The following PCDHGB3 variants were observed in gnomAD, a reference collection of about 807,000 sequenced individuals.
PCDHGB3 encodes protocadherin gamma-B3.
Under a neutral mutation model 59.2 loss-of-function variants are expected in PCDHGB3, and 40 were observed. The ratio of observed to expected loss-of-function variants is 0.68; its 90% CI spans 0.52 to 0.88. The LOEUF is 0.88. Ranked by LOEUF, PCDHGB3 falls within the 40% of genes least tolerant of loss-of-function variation. PCDHGB3 has a pLI of 0.00. For missense variants in PCDHGB3, 1,309 were observed against 1,187.9 expected, an observed-to-expected ratio of 1.10 and a Z score of -1.50; for synonymous variants, 581 against 503.6, an observed-to-expected ratio of 1.15 and a Z score of -2.06.
chr5:141,487,392 G>A lies in PCDHGB3; in HGVS notation c.2416-7415G>A, dbSNP rs773126086. 2 of 1,614,176 alleles carry A rather than the reference G, an allele frequency of 1.2e-6. No individual in the cohort carries two copies. Among genetic ancestry groups the A allele is most frequent in the Non-Finnish European group, 1.7e-6 (2 of 1,180,024 alleles). On this transcript the variant is annotated intron_variant, in intron 1 of 3. Transcript: ENST00000576222. This position sits in a 1 kb window ranked among gnomAD's most constrained non-coding sequence, Gnocchi z 5.0. ...GCCTGTCTCACCAGATCTCGAAGGA[G>A]GGAGGGGCTTCCCCCTTCCAATGGG...
chr5:141,408,871 T>C, intron 1 of PCDHGB3: 2 of 1,612,784 alleles, frequency 1.2e-6, no homozygotes, highest in Non-Finnish European at 1.7e-6. Flanking sequence ...CACCAAGAAG[T>C]GCCACCGCTC....
chr5:141,393,080 G>A (rs747012880), intron 1 of PCDHGB3: 1 of 1,613,694 alleles, frequency 6.2e-7, no homozygotes, highest in Non-Finnish European at 8.5e-7. Flanking sequence ...CCGCGGGCAG[G>A]ATAGATCGGG....
rs757468959 is a variant in PCDHGB3, at chr5:141,395,139, G to A, written c.2415+22330G>A. On this transcript the variant is annotated intron_variant, in intron 1 of 3. Coordinates refer to ENST00000576222, the MANE Select transcript of PCDHGB3 (RefSeq NM_018924.5). ...CCTGATCTTTCCCCAGCCCAACTAC[G>A]CAGACATGCTCATCAGTCAGGAGGG... 10 of 1,614,026 alleles carry A rather than the reference G, an allele frequency of 6.2e-6. No homozygotes were observed. In the East Asian group the frequency reaches 1.3e-4, roughly 22 times the overall value.
At chr5:141,382,093 T>C (rs1420552886) in intron 1 of PCDHGB3, among the ~76,000 whole-genome samples, 1 of 152,090 alleles carries the variant, frequency 6.6e-6, no homozygotes, top group Non-Finnish European at 1.5e-5. Context: ...CCTCACAAAG[T>C]GTGGGATTAC....
chr5:141,394,004 A>C (rs1220367944), intron 1 of PCDHGB3: 3 of 1,613,496 alleles, frequency 1.9e-6, no homozygotes. Flanking sequence ...TAGAAAAGTC[A>C]ATAGGTAATT....
In PCDHGB3 at chr5:141,433,056, G is replaced by T. The variant is rs1422450948; in HGVS notation, c.2415+60247G>T. ...TCCCTCACCACGGACTCGCGGAAGA[G>T]TCACCTGATCTTCCCCCAGCCCAAC... On this transcript the variant is annotated intron_variant, in intron 1 of 3. Coordinates refer to ENST00000576222, the MANE Select transcript of PCDHGB3 (RefSeq NM_018924.5). The T allele has an allele frequency of 6.8e-6, 11 of 1,614,086 alleles. No homozygotes were observed. In the South Asian group the frequency reaches 1.1e-4, roughly 16 times the overall value.
chr5:141,511,374 CA>C lies in PCDHGB3; in HGVS notation c.*202del. ...CCCCAGGGGGTTGAATATGCAAAAG[CA>C]GTTCCGCTGGGAACCCCCATCCAAT... On this transcript the variant is annotated 3_prime_UTR_variant, in exon 4 of 4. Coordinates refer to ENST00000576222, the MANE Select transcript of PCDHGB3 (RefSeq NM_018924.5). The C allele has an allele frequency of 8.0e-7, 1 of 1,242,392 alleles. No individual in the cohort carries two copies. 77.0% of individuals were successfully genotyped at this position (1,242,392 alleles called of 1,614,324 possible).
chr5:141,511,041 C>T lies in PCDHGB3; in HGVS notation c.2658C>T (p.Pro886=), dbSNP rs1421629777. 1.5e-5 allele frequency: 24 copies of T among 1,614,076 alleles called. No individual in the cohort carries two copies. The highest frequency in any genetic ancestry group is 5.5e-5 in the South Asian group (5 of 91,092). Residue 886 remains proline, a synonymous_variant, in exon 4 of 4, where the codon CCC becomes CCT. Transcript: ENST00000576222. The part of the protein sequence containing the change: ...YGPQFTLQHV[P]DYRQNVYIPG... ...CCCAGTTCACCCTGCAGCACGTGCCCGACTACCGCCAGAATGTCTACATCC... is the reference window on the plus strand; with the variant it reads ...CCCAGTTCACCCTGCAGCACGTGCCTGACTACCGCCAGAATGTCTACATCC...
chr5:141,381,518 A>AT (rs1173205402), intron 1 of PCDHGB3, among the ~76,000 whole-genome samples: 1 of 152,222 alleles, frequency 6.6e-6, no homozygotes, highest in Non-Finnish European at 1.5e-5. Context: ...TAGGATGAAG[A>AT]TTTGAATTGC....
At chr5:141,461,924 A>C (rs930104571) in intron 1 of PCDHGB3, among the ~76,000 whole-genome samples, 1 of 152,100 alleles carries the variant, frequency 6.6e-6, no homozygotes, top group East Asian at 1.9e-4. Context: ...CCTGGGTTCC[A>C]GCAATTCTCC....
At chr5:141,413,316 T>G (rs769316460) in intron 1 of PCDHGB3, 1 of 1,613,976 alleles carries the variant, frequency 6.2e-7, no homozygotes, top group South Asian at 1.1e-5. Context: ...AGAAAGGCTC[T>G]TTCGTGGGCA....
intron 1 of PCDHGB3, chr5:141,415,889 T>C: frequency 2.1e-6 from 2 of 942,152 alleles, no homozygotes; most frequent in Non-Finnish European, 2.9e-6. Context: ...TATTGACAAT[T>C]CCTAAGACAG....
chr5:141,408,362 C>T (rs773344794), intron 1 of PCDHGB3: 36 of 1,613,850 alleles, frequency 2.2e-5, no homozygotes, highest in Non-Finnish European at 3.1e-5. Flanking sequence ...CGCTAAGGAT[C>T]TAGGGCTCAG....
intron 1 of PCDHGB3, chr5:141,388,912 C>T: frequency 6.2e-7 from 1 of 1,613,946 alleles, no homozygotes; most frequent in Non-Finnish European, 8.5e-7. Flanking sequence ...GACAACGCCC[C>T]AGAAGTGATA....
At chr5:141,444,188 T>TTTTTTTTTTG (rs2098424052) in intron 1 of PCDHGB3, among the ~76,000 whole-genome samples, 1 of 129,374 alleles carries the variant, frequency 7.7e-6, no homozygotes, top group African/African-American at 3.1e-5. Flanking sequence ...TTTTTTTTTT[T>TTTTTTTTTTG]GAGATGGAGT....
chr5:141,396,274 C>G (rs2093362401), intron 1 of PCDHGB3: 2 of 152,252 alleles, frequency 1.3e-5, no homozygotes, highest in African/African-American at 2.4e-5. Flanking sequence ...GAGCTATGAT[C>G]ATGCCACTGC....
chr5:141,403,324 T>C (rs769971532), intron 1 of PCDHGB3: 9 of 1,613,974 alleles, frequency 5.6e-6, no homozygotes, highest in Non-Finnish European at 6.8e-6. Context: ...TAGAAGTAAC[T>C]GATATTAACG....
At position 141,490,289 on chromosome 5, in the gene PCDHGB3, T is replaced by C; in HGVS notation, c.2416-4518T>C. ...GATGTCAATGACAATGCCCCAGAGG[T>C]GCTATTGGCCTCTTTGGCCAACCCT... On this transcript the variant is annotated intron_variant, in intron 1 of 3. Transcript: ENST00000576222. This position sits in a 1 kb window ranked among gnomAD's most constrained non-coding sequence, Gnocchi z 5.4. The C allele has an allele frequency of 1.2e-6, 2 of 1,614,096 alleles. No homozygotes were observed. The highest frequency in any genetic ancestry group is 1.7e-6 in the Non-Finnish European group (2 of 1,180,016).
Position 141,491,401 on chromosome 5 carries a change from G to A in PCDHGB3, c.2416-3406G>A. The A allele has an allele frequency of 6.2e-7, 1 of 1,614,100 alleles. No homozygotes were observed. ...GTCAGCGAAGTGCCTTCAGGGAAAC[G>A]CAGACGGGGACGGGGGTGGAGGGCA... On this transcript the variant is annotated intron_variant, in intron 1 of 3. Transcript: ENST00000576222. This position sits in a 1 kb window ranked among gnomAD's most constrained non-coding sequence, Gnocchi z 6.9.
Sources: allele counts gnomAD v4.1 joint callset (sites outside exome capture counted in the v4.1 genomes callset), GRCh38; gene constraint gnomAD v4.1.1; non-coding constraint Gnocchi (gnomAD v3.1); transcripts MANE v1.5; gene names NCBI Gene and HGNC (gene_info 2026-07-23, HGNC 2026-07-21).